NEK10: variants seen among roughly 807,000 people sequenced by gnomAD.
The protein encoded by NEK10 is NIMA related kinase 10.
A neutral mutation model predicts 159.8 loss-of-function variants in NEK10; 122 were observed. The ratio of observed to expected loss-of-function variants is 0.76; its 90% confidence interval spans 0.66 to 0.89. NEK10 has a LOEUF of 0.89. Ranked by LOEUF, NEK10 falls within the 40% of genes least tolerant of loss-of-function variation. NEK10 has a pLI of 0.00. For synonymous variants in NEK10, 466 were observed against 457.1 expected (o/e 1.02, Z -0.25); for missense variants, 1,342 against 1,323.1 (o/e 1.01, Z -0.22).
At chr3:27,337,301 A>C (rs1013727432) in intron 5 of NEK10, among the ~76,000 whole-genome samples, 10 of 152,282 alleles carry the variant, frequency 6.6e-5, no homozygotes, top group African/African-American at 2.4e-4. Flanking sequence ...AAACTACAAA[A>C]CACTGATGAA....
intron 33 of NEK10, among the ~76,000 whole-genome samples, chr3:27,116,658 T>G (rs1157975016): frequency 6.6e-6 from 1 of 152,098 alleles, no homozygotes; most frequent in Non-Finnish European, 1.5e-5. Context: ...ATTACTATTA[T>G]TATTATTATC....
At chr3:27,226,499 C>G (rs999435433) in intron 23 of NEK10, among the ~76,000 whole-genome samples, 3 of 152,172 alleles carry the variant, frequency 2.0e-5, no homozygotes, top group Non-Finnish European at 4.4e-5. Context: ...CTAACGGCTG[C>G]TGCAGAGGTC....
intron 31 of NEK10, among the ~76,000 whole-genome samples, chr3:27,136,942 A>G (rs908571960): frequency 6.6e-6 from 1 of 152,202 alleles, no homozygotes; most frequent in Non-Finnish European, 1.5e-5. Flanking sequence ...TAAATATGTG[A>G]AAATATTGTC....
At chr3:27,171,440 A>T (rs79278990) in intron 29 of NEK10, among the ~76,000 whole-genome samples, 1 of 152,012 alleles carries the variant, frequency 6.6e-6, no homozygotes, top group Non-Finnish European at 1.5e-5. Context: ...ATGCGGTCTC[A>T]TAAGTCATAT....
In NEK10 at chr3:27,153,128, G is replaced by C. The variant is rs551582055; in HGVS notation, c.2869+9573C>G. Among the ~76,000 whole-genome samples the C allele has an allele frequency of 1.8e-4, 27 of 152,160 alleles. No individual in the cohort carries two copies. The South Asian group carries it at 4.0e-3, about 22-fold the overall frequency. On this transcript the variant is annotated intron_variant, in intron 30 of 35. Coordinates refer to ENST00000691995, the MANE Select transcript of NEK10 (RefSeq NM_001394966.1). ...GAGGTCAGGAGATCGAGACTATCCT[G>C]GCTAACATGGTGAAACCCCATCTCT...
intron 5 of NEK10, among the ~76,000 whole-genome samples, chr3:27,343,029 C>T (rs2047309041): frequency 6.6e-6 from 1 of 152,036 alleles, no homozygotes; most frequent in African/African-American, 2.4e-5. Flanking sequence ...AGATTTTAGG[C>T]TTCTTGTATA....
chr3:27,208,917 A>G (rs1348516181), intron 23 of NEK10, among the ~76,000 whole-genome samples: 1 of 152,212 alleles, frequency 6.6e-6, no homozygotes, highest in Non-Finnish European at 1.5e-5. Context: ...AGTTAAAAAG[A>G]TTTGATACCT....
At chr3:27,351,672 G>T (rs1383240467) in intron 3 of NEK10, among the ~76,000 whole-genome samples, 1 of 152,032 alleles carries the variant, frequency 6.6e-6, no homozygotes, top group Non-Finnish European at 1.5e-5. Flanking sequence ...AACAAAAACT[G>T]TCAGGGCTGG....
chr3:27,305,682 C>T (rs929302106), intron 11 of NEK10, among the ~76,000 whole-genome samples: 2 of 150,992 alleles, frequency 1.3e-5, no homozygotes, highest in African/African-American at 4.9e-5. Flanking sequence ...TATGTAATTG[C>T]AAAATAAGAC....
At chr3:27,119,434 C>T (rs965861960) in intron 33 of NEK10, among the ~76,000 whole-genome samples, 4 of 152,118 alleles carry the variant, frequency 2.6e-5, no homozygotes, top group African/African-American at 9.7e-5. Flanking sequence ...CTTATTTCTG[C>T]TCTTTATCTC....
chr3:27,272,757 T>A (rs548031226), intron 22 of NEK10, among the ~76,000 whole-genome samples: 9 of 152,262 alleles, frequency 5.9e-5, no homozygotes, highest in Middle Eastern at 3.4e-3. Flanking sequence ...AAACCATCCA[T>A]GATGACACAG....
At chr3:27,366,807 ATTT>A (rs3060370) in intron 1 of NEK10, among the ~76,000 whole-genome samples, 4 of 109,518 alleles carry the variant, frequency 3.7e-5, no homozygotes, top group Admixed American at 1.1e-4. Flanking sequence ...CAGTGTGTTC[ATTT>A]TTTTTTTTTT....
intron 5 of NEK10, among the ~76,000 whole-genome samples, chr3:27,328,120 C>T (rs796297235): frequency 3.0e-4 from 46 of 152,186 alleles, no homozygotes; most frequent in African/African-American, 1.1e-3. Context: ...CCCCTAAAAT[C>T]AGGATATAAA....
chr3:27,343,428 G>T lies in NEK10; in HGVS notation c.362+844C>A, dbSNP rs149704854. On this transcript the variant is annotated intron_variant, in intron 5 of 35. Transcript: ENST00000691995. ...TTTTATTTTTCACCATAGAAATAAT[G>T]TTTTTCCATTTTCACTGGGATGGAA... 5.9e-3 allele frequency among the ~76,000 whole-genome samples: 891 copies of T among 152,228 alleles called. 8 individuals are homozygous for T. Among genetic ancestry groups the T allele is most frequent in the African/African-American group, 0.02 (851 of 41,554 alleles).
chr3:27,333,112 G>T (rs2046542175), intron 5 of NEK10, among the ~76,000 whole-genome samples: 1 of 152,170 alleles, frequency 6.6e-6, no homozygotes, highest in African/African-American at 2.4e-5. Flanking sequence ...AGTAAAGAAG[G>T]AGAAGGAAGT....
Position 27,304,950 on chromosome 3 carries a change from G to A in NEK10, c.825C>T (p.Arg275=). The change falls in exon 12 of 36, where the codon CGC becomes CGT. Residue 275 remains arginine (R), a synonymous_variant. Transcript: ENST00000691995. ...LSKRLTAELL[R]LLCAEPQVKE... ...TCACCTGGGGCTCTGCACAAAGTAG[G>A]CGCAGCAACTCCGCTGTTAGTCTGA... is the stretch of plus-strand genomic sequence containing the variant. 1.9e-6 allele frequency: 3 copies of A among 1,612,314 alleles called. No homozygotes were observed. The highest frequency in any genetic ancestry group is 2.5e-6 in the Non-Finnish European group (3 of 1,179,088).
chr3:27,155,822 T>C (rs1945351230), intron 30 of NEK10, among the ~76,000 whole-genome samples: 1 of 152,074 alleles, frequency 6.6e-6, no homozygotes. Flanking sequence ...AAAAGGAGTC[T>C]GCATAGCCAA....
At chr3:27,285,218 G>T (rs918353493) in intron 20 of NEK10, among the ~76,000 whole-genome samples, 1 of 152,076 alleles carries the variant, frequency 6.6e-6, no homozygotes, top group Admixed American at 6.5e-5. Context: ...ACTGGCAAAT[G>T]TATCATTTTC....
At chr3:27,153,903 G>T (rs2148762804) in intron 30 of NEK10, among the ~76,000 whole-genome samples, 2 of 152,046 alleles carry the variant, frequency 1.3e-5, no homozygotes, top group Middle Eastern at 6.8e-3. Context: ...AGGAACTATA[G>T]AAACAAGAAC....
Sources: gnomAD v4.1 joint callset for allele counts (sites outside exome capture counted in the v4.1 genomes callset) on GRCh38, gnomAD v4.1.1 for gene constraint, MANE v1.5 for transcripts, NCBI Gene and HGNC (gene_info 2026-07-23, HGNC 2026-07-21) for gene names.